The following MTMR12 variants were observed in gnomAD, a reference collection of about 807,000 sequenced individuals.
MTMR12 encodes the protein myotubularin-related protein 12.
In MTMR12, 33 loss-of-function variants were observed where a neutral mutation model predicts 96.7. The ratio of observed to expected loss-of-function variants is 0.34; its 90% CI spans 0.26 to 0.46. The LOEUF (loss-of-function observed/expected upper bound fraction) is 0.46, where lower values mean the gene tolerates loss of function less well. Ranked by LOEUF, MTMR12 falls within the 20% of genes least tolerant of loss-of-function variation. MTMR12 has a pLI of 1.00. For synonymous variants in MTMR12, 298 were observed against 327.2 expected (o/e 0.91, Z 0.96); for missense variants, 721 against 896.1 (o/e 0.80, Z 2.49).
chr5:32,304,128 C>T (rs568195838), intron 1 of MTMR12, among the ~76,000 whole-genome samples: 42 of 151,960 alleles, frequency 2.8e-4, no homozygotes, highest in Non-Finnish European at 4.9e-4. Context: ...AAGACCATCC[C>T]GACTAACACA....
intron 1 of MTMR12, among the ~76,000 whole-genome samples, chr5:32,297,894 G>A (rs77843600): frequency 0.014 from 2,079 of 152,242 alleles, 54 homozygotes; most frequent in African/African-American, 0.048. Flanking sequence ...ACCCAAAGAC[G>A]GTTGGCAAGC....
intron 12 of MTMR12, among the ~76,000 whole-genome samples, chr5:32,240,518 C>T (rs546756070): frequency 6.6e-6 from 1 of 152,256 alleles, no homozygotes; most frequent in African/African-American, 2.4e-5. Flanking sequence ...CTTCTCCCTC[C>T]AGGAAACAAG....
intron 6 of MTMR12, among the ~76,000 whole-genome samples, chr5:32,265,615 G>C (rs1749558759): frequency 6.6e-6 from 1 of 152,186 alleles, no homozygotes; most frequent in African/African-American, 2.4e-5. Flanking sequence ...TGTATATATA[G>C]TTGCAGTAAA....
In MTMR12 at chr5:32,276,569, T is replaced by C. The variant is rs1379498633; in HGVS notation, c.142+113A>G. 5 of 864,762 alleles carry C rather than the reference T, an allele frequency of 5.8e-6. No individual in the cohort carries two copies. The East Asian group carries it at 1.3e-4, about 22-fold the overall frequency. 53.6% of individuals were successfully genotyped at this position (864,762 alleles called of 1,614,324 possible). ...GATATGTTTTTTCAATTCATTACTG[T>C]TATATGTGAGAAGATGAAAACAAAG... On this transcript the variant is annotated intron_variant, in intron 2 of 15. Coordinates refer to ENST00000382142, the MANE Select transcript of MTMR12 (RefSeq NM_001040446.3).
rs527800047 is a variant in MTMR12 at position 32,262,059 on chromosome 5, G to A, written c.713+1054C>T. ...TGCACTCCAGCCTGGGGGACAGAGAGAGACCCCATCTTAAAATGAATAATA... is the reference window on the plus strand; with the variant it reads ...TGCACTCCAGCCTGGGGGACAGAGAAAGACCCCATCTTAAAATGAATAATA... On this transcript the variant is annotated intron_variant, in intron 7 of 15. Transcript: ENST00000382142. Among the ~76,000 whole-genome samples, 13 of 152,252 alleles carry A rather than the reference G, an allele frequency of 8.5e-5. No individual in the cohort carries two copies. The South Asian group carries it at 2.7e-3, about 32-fold the overall frequency.
Position 32,284,998 on chromosome 5 carries a change from A to C in MTMR12, c.82-8256T>G, listed in dbSNP as rs76711369. Among the ~76,000 whole-genome samples the C allele has an allele frequency of 1.9e-3, 289 of 152,354 alleles. 1 individual carries two copies. The highest frequency in any genetic ancestry group is 6.0e-3 in the African/African-American group (250 of 41,576). ...CAAAGGAAAGGCAAAAACTGCTGGC[A>C]CCAGGATCACAGCACGTCCAGGTTT... On this transcript the variant is annotated intron_variant, in intron 1 of 15. Transcript: ENST00000382142.
chr5:32,235,584 C>T (rs996379169), intron 13 of MTMR12, among the ~76,000 whole-genome samples: 5 of 152,054 alleles, frequency 3.3e-5, no homozygotes, highest in Non-Finnish European at 7.4e-5. Context: ...ACTTCTATTC[C>T]CCACCTGCCC....
At chr5:32,238,798 A>G (rs1196360044) in intron 13 of MTMR12, among the ~76,000 whole-genome samples, 1 of 152,234 alleles carries the variant, frequency 6.6e-6, no homozygotes, top group African/African-American at 2.4e-5. Context: ...ATACTTGTTA[A>G]TATCTCTTTC....
intron 1 of MTMR12, among the ~76,000 whole-genome samples, chr5:32,281,248 T>TTAA (rs371988993): frequency 9.3e-6 from 1 of 107,462 alleles, no homozygotes; most frequent in Non-Finnish European, 1.9e-5. Context: ...ACTCTATCAT[T>TTAA]AAAAAAAAAA....
At position 32,276,674 on chromosome 5, in the gene MTMR12, A is replaced by T. The variant is rs1220468866; in HGVS notation, c.142+8T>A. The T allele has an allele frequency of 6.2e-7, 1 of 1,612,062 alleles. No individual in the cohort carries two copies. On this transcript the variant is annotated splice_region_variant and intron_variant, in intron 2 of 15. Transcript: ENST00000382142. ...GCATAGGAGTTACTATGCTAACATGACAGTTACCTGGCAACAAGTGAAGAG... is the reference window on the plus strand; with the variant it reads ...GCATAGGAGTTACTATGCTAACATGTCAGTTACCTGGCAACAAGTGAAGAG...
At chr5:32,291,490 T>C (rs369491034) in intron 1 of MTMR12, among the ~76,000 whole-genome samples, 2 of 152,308 alleles carry the variant, frequency 1.3e-5, no homozygotes, top group African/African-American at 4.8e-5. Flanking sequence ...ATATGGATGG[T>C]CCTCTCTGAG....
At chr5:32,305,175 G>A (rs1029499035) in intron 1 of MTMR12, among the ~76,000 whole-genome samples, 2 of 152,070 alleles carry the variant, frequency 1.3e-5, no homozygotes, top group Non-Finnish European at 2.9e-5. Context: ...TGCAACCTCT[G>A]CCTCCTCGGT....
At chr5:32,238,461 T>C (rs1748328562) in intron 13 of MTMR12, among the ~76,000 whole-genome samples, 1 of 152,146 alleles carries the variant, frequency 6.6e-6, no homozygotes, top group African/African-American at 2.4e-5. Context: ...AGTGCTGGGA[T>C]TACAGGTGCA....
intron 12 of MTMR12, among the ~76,000 whole-genome samples, chr5:32,241,470 G>T (rs1169476085): frequency 6.6e-6 from 1 of 152,196 alleles, no homozygotes; most frequent in African/African-American, 2.4e-5. Context: ...ATAGTGTGGG[G>T]CTAAACGAAA....
At chr5:32,273,776 T>C (rs1749938105) in intron 3 of MTMR12, among the ~76,000 whole-genome samples, 1 of 152,084 alleles carries the variant, frequency 6.6e-6, no homozygotes, top group Non-Finnish European at 1.5e-5. Context: ...ACTGAGTAGC[T>C]GGGGGAAAAA....
chr5:32,242,181 C>T (rs1345621118), intron 11 of MTMR12, 54 bp from the exon 12 acceptor site: 1 of 1,301,764 alleles, frequency 7.7e-7, no homozygotes, highest in Non-Finnish European at 1.1e-6. Context: ...CTTGGTAACA[C>T]AAACACTACG....
intron 13 of MTMR12, among the ~76,000 whole-genome samples, chr5:32,238,352 G>C (rs2111992425): frequency 6.6e-6 from 1 of 152,088 alleles, no homozygotes; most frequent in South Asian, 2.1e-4. Flanking sequence ...CTGTAGTCAG[G>C]CATCACCATG....
At chr5:32,293,081 C>T (rs756398434) in intron 1 of MTMR12, among the ~76,000 whole-genome samples, 9 of 152,176 alleles carry the variant, frequency 5.9e-5, no homozygotes, top group African/African-American at 1.4e-4. Context: ...TTATGTTAGG[C>T]GTAATTATGA....
Position 32,312,175 on chromosome 5 carries a change from G to A in MTMR12, c.81+583C>T, listed in dbSNP as rs1367478429. 6.6e-6 allele frequency among the ~76,000 whole-genome samples: 1 copy of A among 152,226 alleles called. No individual in the cohort carries two copies. Among genetic ancestry groups the A allele is most frequent in the Admixed American group, 6.5e-5 (1 of 15,290 alleles). ...ATGATGGTGAGGGGATGAGGAGAAA[G>A]AAGCGACAGCGGAGAATTCCCAAGG... On this transcript the variant is annotated intron_variant, in intron 1 of 15. Coordinates refer to ENST00000382142, the MANE Select transcript of MTMR12 (RefSeq NM_001040446.3). This position sits in a 1 kb window ranked among gnomAD's most constrained non-coding sequence, Gnocchi z 5.0.
Sources: gnomAD v4.1 joint callset for allele counts (sites outside exome capture counted in the v4.1 genomes callset) on GRCh38, gnomAD v4.1.1 for gene constraint, Gnocchi (gnomAD v3.1) non-coding constraint, MANE v1.5 for transcripts, NCBI Gene and HGNC (gene_info 2026-07-23, HGNC 2026-07-21) for gene names.